ASTN2: variants seen among roughly 807,000 people sequenced by gnomAD.
ASTN2 encodes astrotactin-2.
In ASTN2, 54 loss-of-function variants were observed where a neutral mutation model predicts 139.8. The observed-to-expected ratio is 0.39, with a 90% confidence interval of 0.31 to 0.48. The LOEUF (loss-of-function observed/expected upper bound fraction) is 0.48, where lower values mean the gene tolerates loss of function less well. ASTN2 is among the 20% of genes least tolerant of loss of function. The pLI, the probability that ASTN2 is intolerant of heterozygous loss-of-function variation, is 0.95. For synonymous variants in ASTN2, 756 were observed against 719.5 expected, an observed-to-expected ratio of 1.05 and a Z score of -0.81; for missense variants, 1,565 against 1,725.1, an observed-to-expected ratio of 0.91 and a Z score of 1.64.
chr9:116,762,524 A>C (rs1262992622), intron 13 of ASTN2, among the ~76,000 whole-genome samples: 2 of 152,202 alleles, frequency 1.3e-5, no homozygotes, highest in African/African-American at 4.8e-5. Flanking sequence ...CAAACTATTA[A>C]CTGCAGGCCA....
intron 1 of ASTN2, among the ~76,000 whole-genome samples, chr9:117,334,783 G>A (rs370128973): frequency 3.9e-5 from 6 of 152,196 alleles, no homozygotes; most frequent in South Asian, 2.1e-4. Flanking sequence ...ACCAGGCATG[G>A]AGGCTCACGC....
chr9:117,067,945 G>A (rs375044632), intron 5 of ASTN2, among the ~76,000 whole-genome samples: 7 of 118,540 alleles, frequency 5.9e-5, no homozygotes, highest in African/African-American at 1.3e-4. Flanking sequence ...CAATCATGTC[G>A]TCTGCAAACA....
rs145337207 is a variant in ASTN2 at position 116,718,471 on chromosome 9, C to A, written c.2806+7300G>T. Among the ~76,000 whole-genome samples the A allele has an allele frequency of 1.4e-3, 220 of 152,290 alleles. 1 individual carries two copies. Among genetic ancestry groups the A allele is most frequent in the African/African-American group, 5.0e-3 (206 of 41,566 alleles). On this transcript the variant is annotated intron_variant, in intron 16 of 22. Coordinates refer to ENST00000313400, the MANE Select transcript of ASTN2 (RefSeq NM_001365068.1). Reference sequence around the variant, plus strand: ...CATGATGGGATCTCTATTTTAGAAACATCCTATAATGGTTAATTTCATGCG... The same window carrying A: ...CATGATGGGATCTCTATTTTAGAAAAATCCTATAATGGTTAATTTCATGCG...
At chr9:116,602,246 T>C (rs528015728) in intron 19 of ASTN2, among the ~76,000 whole-genome samples, 1 of 152,284 alleles carries the variant, frequency 6.6e-6, no homozygotes, top group Admixed American at 6.5e-5. Context: ...AAGTGAACCA[T>C]TGTAGGCTAT....
intron 10 of ASTN2, among the ~76,000 whole-genome samples, chr9:116,917,733 G>A (rs1416513737): frequency 2.0e-5 from 3 of 152,166 alleles, no homozygotes; most frequent in Non-Finnish European, 4.4e-5. Context: ...TTAATTAATT[G>A]ATCATGTAAT....
chr9:117,337,080 A>G (rs537021157), intron 1 of ASTN2, among the ~76,000 whole-genome samples: 3 of 152,314 alleles, frequency 2.0e-5, no homozygotes, highest in East Asian at 3.9e-4. Flanking sequence ...CTAACATCAA[A>G]TTAATGAAGA....
intron 10 of ASTN2, among the ~76,000 whole-genome samples, chr9:116,926,036 C>A (rs1244734659): frequency 6.6e-6 from 1 of 152,096 alleles, no homozygotes; most frequent in Non-Finnish European, 1.5e-5. Flanking sequence ...TCTTCTGAAA[C>A]TTTCTTCCTC....
At chr9:116,471,857 T>A (rs1848824109) in intron 20 of ASTN2, among the ~76,000 whole-genome samples, 1 of 152,040 alleles carries the variant, frequency 6.6e-6, no homozygotes, top group Non-Finnish European at 1.5e-5. Flanking sequence ...ACTGAGGGAG[T>A]CAGAATTTGA....
intron 11 of ASTN2, among the ~76,000 whole-genome samples, chr9:116,853,945 A>G (rs1385702727): frequency 6.6e-6 from 1 of 152,184 alleles, no homozygotes; most frequent in African/African-American, 2.4e-5. Context: ...GTCCAACCAG[A>G]AGACAAAGCA....
intron 1 of ASTN2, among the ~76,000 whole-genome samples, chr9:117,378,888 A>G (rs930819997): frequency 3.3e-5 from 5 of 152,098 alleles, no homozygotes; most frequent in Admixed American, 6.5e-5. Context: ...TCCTTCATGA[A>G]TGGTTTAGCA....
At chr9:116,665,010 G>C (rs1414719239) in intron 16 of ASTN2, among the ~76,000 whole-genome samples, 1 of 152,072 alleles carries the variant, frequency 6.6e-6, no homozygotes, top group Non-Finnish European at 1.5e-5. Flanking sequence ...TTCAAGAGCT[G>C]ATTGTTAAAA....
intron 2 of ASTN2, among the ~76,000 whole-genome samples, chr9:117,231,820 T>G (rs970196994): frequency 2.0e-5 from 3 of 152,182 alleles, no homozygotes; most frequent in African/African-American, 7.2e-5. Context: ...TCAAATCCCA[T>G]TTCTCAGGCC....
chr9:117,293,649 GGC>G (rs1423474100), intron 1 of ASTN2, among the ~76,000 whole-genome samples: 7 of 152,128 alleles, frequency 4.6e-5, no homozygotes, highest in African/African-American at 1.7e-4. Context: ...CTTCATCCCA[GGC>G]TGGGGTGATC....
chr9:117,285,879 C>T (rs994301984), intron 2 of ASTN2, among the ~76,000 whole-genome samples: 1 of 152,146 alleles, frequency 6.6e-6, no homozygotes, highest in Non-Finnish European at 1.5e-5. Context: ...GAGAAACATG[C>T]CCTCAAAATT....
intron 10 of ASTN2, among the ~76,000 whole-genome samples, chr9:116,889,972 G>T (rs1458466959): frequency 6.6e-6 from 1 of 152,036 alleles, no homozygotes; most frequent in Non-Finnish European, 1.5e-5. Flanking sequence ...AAGGAAGAAA[G>T]AAAGAGAGGA....
At chr9:116,744,135 A>G (rs1191196879) in intron 13 of ASTN2, among the ~76,000 whole-genome samples, 1 of 152,130 alleles carries the variant, frequency 6.6e-6, no homozygotes, top group Non-Finnish European at 1.5e-5. Flanking sequence ...GGCAGAAAGA[A>G]CAGCATGCAC....
chr9:116,987,214 G>A (rs1309268581), intron 7 of ASTN2, among the ~76,000 whole-genome samples: 4 of 152,334 alleles, frequency 2.6e-5, no homozygotes, highest in South Asian at 4.1e-4. Context: ...GGAGGTGATT[G>A]GATTATGGAG....
At chr9:117,159,214 G>A (rs1830494644) in intron 3 of ASTN2, among the ~76,000 whole-genome samples, 2 of 151,758 alleles carry the variant, frequency 1.3e-5, no homozygotes, top group African/African-American at 4.8e-5. Flanking sequence ...GCTAACTGTG[G>A]GTTATTTTTC....
At chr9:116,678,409 G>T (rs1416109965) in intron 16 of ASTN2, among the ~76,000 whole-genome samples, 1 of 152,184 alleles carries the variant, frequency 6.6e-6, no homozygotes, top group African/African-American at 2.4e-5. Flanking sequence ...GTTGCTAAGA[G>T]TTAACATTGT....
Sources: allele counts gnomAD v4.1 joint callset (sites outside exome capture counted in the v4.1 genomes callset), GRCh38; gene constraint gnomAD v4.1.1; transcripts MANE v1.5; gene names NCBI Gene and HGNC (gene_info 2026-07-23, HGNC 2026-07-21).